Variants in CCDC148 observed in about 807,000 individuals in gnomAD.
CCDC148 encodes the protein coiled-coil domain-containing protein 148.
CCDC148 carries 89 observed loss-of-function variants against 85.7 expected under a neutral mutation model. That is an observed-to-expected ratio of 1.04 (90% CI 0.87 to 1.24). The LOEUF is 1.24. CCDC148 is among the 50% of genes most tolerant of loss of function. The pLI is 0.00. For synonymous variants in CCDC148, 230 were observed against 213.9 expected (o/e 1.08, Z -0.66); for missense variants, 692 against 671.7 (o/e 1.03, Z -0.33).
At chr2:158,389,510 C>G (rs1041898467) in intron 1 of CCDC148, among the ~76,000 whole-genome samples, 1 of 152,110 alleles carries the variant, frequency 6.6e-6, no homozygotes, top group Non-Finnish European at 1.5e-5. Flanking sequence ...AAAGAAGGGC[C>G]AGATAATTAT....
At chr2:158,375,795 T>C (rs1328592896) in intron 1 of CCDC148, among the ~76,000 whole-genome samples, 3 of 152,126 alleles carry the variant, frequency 2.0e-5, no homozygotes, top group Non-Finnish European at 4.4e-5. Context: ...TTCTCCTTTC[T>C]TCCTGCATGA....
intron 10 of CCDC148, among the ~76,000 whole-genome samples, chr2:158,223,298 G>T (rs1405100623): frequency 6.6e-6 from 1 of 152,190 alleles, no homozygotes; most frequent in Non-Finnish European, 1.5e-5. Flanking sequence ...TGAGGCTTGA[G>T]TAGGTAAACA....
intron 11 of CCDC148, among the ~76,000 whole-genome samples, chr2:158,194,841 A>T (rs1469146077): frequency 6.7e-6 from 1 of 150,374 alleles, no homozygotes; most frequent in African/African-American, 2.4e-5. Context: ...CATGTGCTTG[A>T]ACTCCTCTGA....
intron 11 of CCDC148, among the ~76,000 whole-genome samples, chr2:158,208,796 CA>C (rs1686393569): frequency 6.6e-6 from 1 of 152,058 alleles, no homozygotes; most frequent in African/African-American, 2.4e-5. Context: ...TATCTTTCCA[CA>C]AAAATCTTTT....
chr2:158,182,985 T>G (rs950523259), intron 11 of CCDC148, among the ~76,000 whole-genome samples: 1 of 152,152 alleles, frequency 6.6e-6, no homozygotes, highest in Non-Finnish European at 1.5e-5. Context: ...GCTATGAAAG[T>G]CAATGTCAGG....
chr2:158,396,724 A>G (rs1023298663), intron 1 of CCDC148, among the ~76,000 whole-genome samples: 4 of 152,110 alleles, frequency 2.6e-5, no homozygotes, highest in Non-Finnish European at 5.9e-5. Context: ...ATGCATGTTC[A>G]GAAGTTTTCA....
chr2:158,392,923 A>G (rs78165084), intron 1 of CCDC148, among the ~76,000 whole-genome samples: 8,319 of 152,156 alleles, frequency 0.055, 435 homozygotes, highest in African/African-American at 0.13. Flanking sequence ...TGTTTGTAGC[A>G]GTATAGAGGA....
intron 9 of CCDC148, among the ~76,000 whole-genome samples, chr2:158,276,080 G>C (rs963714899): frequency 6.6e-6 from 1 of 152,134 alleles, no homozygotes; most frequent in Non-Finnish European, 1.5e-5. Flanking sequence ...TATATGACTT[G>C]GAGCTTTTCA....
intron 1 of CCDC148, among the ~76,000 whole-genome samples, chr2:158,410,383 G>T (rs1686206470): frequency 2.0e-5 from 3 of 151,996 alleles, no homozygotes; most frequent in Admixed American, 1.3e-4. Flanking sequence ...ACTTCTTATT[G>T]TCATTTTGTT....
At chr2:158,279,665 G>C (rs1160488653) in intron 9 of CCDC148, among the ~76,000 whole-genome samples, 1 of 152,200 alleles carries the variant, frequency 6.6e-6, no homozygotes, top group Non-Finnish European at 1.5e-5. Flanking sequence ...GTACCTGAAA[G>C]TGACAGGGGG....
chr2:158,265,289 G>C (rs1241428878), intron 9 of CCDC148, among the ~76,000 whole-genome samples: 1 of 152,078 alleles, frequency 6.6e-6, no homozygotes, highest in Non-Finnish European at 1.5e-5. Context: ...GATGCTATCT[G>C]TCATAACAGA....
intron 10 of CCDC148, among the ~76,000 whole-genome samples, chr2:158,242,995 T>C (rs1177936457): frequency 6.6e-6 from 1 of 151,960 alleles, no homozygotes. Flanking sequence ...GTCATTCTGA[T>C]TGGCAAATGT....
At chr2:158,195,692 A>G (rs189327102) in intron 11 of CCDC148, among the ~76,000 whole-genome samples, 1 of 152,286 alleles carries the variant, frequency 6.6e-6, no homozygotes, top group Non-Finnish European at 1.5e-5. Flanking sequence ...GCTGCTTCCA[A>G]AGCAATCTGC....
At chr2:158,374,107 A>G (rs982074709) in intron 1 of CCDC148, among the ~76,000 whole-genome samples, 9 of 152,080 alleles carry the variant, frequency 5.9e-5, no homozygotes, top group African/African-American at 1.9e-4. Context: ...TGAGATGACA[A>G]CTATTATCAA....
At chr2:158,273,530 T>C (rs1689792289) in intron 9 of CCDC148, among the ~76,000 whole-genome samples, 1 of 152,148 alleles carries the variant, frequency 6.6e-6, no homozygotes, top group Non-Finnish European at 1.5e-5. Flanking sequence ...GGGGAAGATC[T>C]GCCATCTCCT....
chr2:158,385,020 C>A (rs1334512036), intron 1 of CCDC148, among the ~76,000 whole-genome samples: 2 of 152,160 alleles, frequency 1.3e-5, no homozygotes, highest in African/African-American at 4.8e-5. Flanking sequence ...AAGGTCCCCC[C>A]ACTTCCTTGC....
At chr2:158,433,760 G>A (rs528624567) in intron 1 of CCDC148, among the ~76,000 whole-genome samples, 2 of 152,272 alleles carry the variant, frequency 1.3e-5, no homozygotes, top group South Asian at 2.1e-4. Context: ...TGGAAAATCA[G>A]GACACTCACA....
intron 9 of CCDC148, among the ~76,000 whole-genome samples, chr2:158,254,773 T>C (rs935864899): frequency 1.3e-5 from 2 of 151,554 alleles, no homozygotes; most frequent in African/African-American, 4.8e-5. Context: ...GGAATCGTCA[T>C]TGAATGACCT....
intron 1 of CCDC148, among the ~76,000 whole-genome samples, chr2:158,417,864 C>G (rs1686574514): frequency 1.3e-5 from 2 of 152,104 alleles, no homozygotes; most frequent in Admixed American, 1.3e-4. Context: ...AGGTTAAGAA[C>G]CTCAGCAGGT....
Sources: gnomAD v4.1 joint callset for allele counts (sites outside exome capture counted in the v4.1 genomes callset) on GRCh38, gnomAD v4.1.1 for gene constraint, MANE v1.5 for transcripts, NCBI Gene and HGNC (gene_info 2026-07-23, HGNC 2026-07-21) for gene names.